Variants in TSHZ2 observed in about 807,000 individuals in gnomAD.
The protein encoded by TSHZ2 is teashirt homolog 2.
Under a neutral mutation model 74.4 loss-of-function variants are expected in TSHZ2, and 21 were observed. That is an observed-to-expected ratio of 0.28 (90% CI 0.20 to 0.41). The LOEUF (loss-of-function observed/expected upper bound fraction) is 0.41. TSHZ2 is among the 10% of genes least tolerant of loss of function. The probability of loss-of-function intolerance (pLI) is 1.00; values close to 1 mark genes in which losing one functional copy is unlikely to be tolerated. For synonymous variants in TSHZ2, 540 were observed against 515.3 expected (o/e 1.05, Z -0.65); for missense variants, 1,244 against 1,293.5 (o/e 0.96, Z 0.59).
Position 53,253,792 on chromosome 20 carries a change from G to T in TSHZ2, c.334G>T (p.Val112Phe), listed in dbSNP as rs773829843. The T allele has an allele frequency of 1.2e-6, 2 of 1,614,052 alleles. No individual in the cohort carries two copies. The highest frequency in any genetic ancestry group is 1.7e-6 in the Non-Finnish European group (2 of 1,180,024). ...CTCAGACAAGAAAGCACACACTCAC[G>T]TCAGGCTTCCAAACGAAGCACACAA... Reference protein sequence around the residue: ...DASDKKAHTHVRLPNEAHNCM... With the variant: ...DASDKKAHTHFRLPNEAHNCM... The change falls in exon 2 of 3, where the codon GTC (valine) becomes TTC (phenylalanine). Residue 112 changes from valine (V) to phenylalanine (F), a missense_variant. By Grantham distance (50) the Val-to-Phe change is conservative. This residue lies in a region of TSHZ2 where 470 missense variants were observed against 456.5 expected (regional missense o/e 1.03). Coordinates refer to ENST00000371497, the MANE Select transcript of TSHZ2 (RefSeq NM_173485.6).
intron 2 of TSHZ2, among the ~76,000 whole-genome samples, chr20:53,445,137 T>C (rs1984500956): frequency 6.6e-6 from 1 of 152,316 alleles, no homozygotes; most frequent in South Asian, 2.1e-4. Flanking sequence ...TGTAAGGAAC[T>C]TTTCTGAATG....
At chr20:53,216,616 G>A (rs1243282398) in intron 1 of TSHZ2, among the ~76,000 whole-genome samples, 1 of 152,174 alleles carries the variant, frequency 6.6e-6, no homozygotes, top group Non-Finnish European at 1.5e-5. Flanking sequence ...AAAGCTCCTT[G>A]CACTGAGCTA....
At chr20:53,431,239 T>C (rs1173785171) in intron 2 of TSHZ2, among the ~76,000 whole-genome samples, 2 of 151,960 alleles carry the variant, frequency 1.3e-5, no homozygotes, top group Admixed American at 1.3e-4. Flanking sequence ...GGCAGATCAC[T>C]TGAGGTCAGG....
At chr20:53,383,129 G>A (rs557420312) in intron 2 of TSHZ2, among the ~76,000 whole-genome samples, 92 of 152,044 alleles carry the variant, frequency 6.1e-4, no homozygotes, top group African/African-American at 1.7e-3. Context: ...CGGGGGTGGC[G>A]GTGTGCACCT....
chr20:53,401,018 G>A (rs1982639901), intron 2 of TSHZ2: 1 of 152,166 alleles, frequency 6.6e-6, no homozygotes, highest in Non-Finnish European at 1.5e-5. Flanking sequence ...ATTCCCATTT[G>A]ACCAATGAGG....
At position 53,493,064 on chromosome 20, in the gene TSHZ2, G is replaced by A. The variant is rs1429207970; in HGVS notation, c.*5929G>A. 2 of 152,188 alleles carry A rather than the reference G, an allele frequency of 1.3e-5. No homozygotes were observed. The highest frequency in any genetic ancestry group is 4.8e-5 in the African/African-American group (2 of 41,450). 9.4% of individuals were successfully genotyped at this position (152,188 alleles called of 1,614,324 possible). A position where few individuals can be genotyped will look rare whatever the true frequency, so the allele number is the denominator to read the frequency against. ...TTTTCCCTGAGTACAATGCAGCTTG[G>A]ATGGCTGGGAGCGTAAGCCTTCCGT... On this transcript the variant is annotated 3_prime_UTR_variant, in exon 3 of 3. Coordinates refer to ENST00000371497, the MANE Select transcript of TSHZ2 (RefSeq NM_173485.6).
At chr20:53,435,542 C>T (rs1243126699) in intron 2 of TSHZ2, among the ~76,000 whole-genome samples, 1 of 152,200 alleles carries the variant, frequency 6.6e-6, no homozygotes, top group East Asian at 1.9e-4. Context: ...GAGACAGAGT[C>T]TTGCTCTGTC....
chr20:53,043,616 A>G (rs1242999184), intron 1 of TSHZ2, among the ~76,000 whole-genome samples: 1 of 152,222 alleles, frequency 6.6e-6, no homozygotes, highest in African/African-American at 2.4e-5. Flanking sequence ...TGCTGCCTTC[A>G]TAGATCAAAT....
chr20:53,364,834 A>G (rs1337321989), intron 2 of TSHZ2, among the ~76,000 whole-genome samples: 1 of 152,182 alleles, frequency 6.6e-6, no homozygotes, highest in Non-Finnish European at 1.5e-5. Context: ...TTTTCATCCA[A>G]GCCACTATTT....
At chr20:53,261,705 A>G (rs573268005) in intron 2 of TSHZ2, among the ~76,000 whole-genome samples, 2 of 152,244 alleles carry the variant, frequency 1.3e-5, no homozygotes, top group South Asian at 2.1e-4. Context: ...GAGTAACATT[A>G]TTTTTCATTT....
At chr20:53,168,629 C>G (rs1241918143) in intron 1 of TSHZ2, 2 of 152,158 alleles carry the variant, frequency 1.3e-5, no homozygotes, top group East Asian at 3.8e-4. Flanking sequence ...GTGAAACAAA[C>G]AGCTAAACAT....
At chr20:53,387,384 G>A (rs1194994482) in intron 2 of TSHZ2, among the ~76,000 whole-genome samples, 2 of 152,322 alleles carry the variant, frequency 1.3e-5, no homozygotes, top group Non-Finnish European at 2.9e-5. Flanking sequence ...TTGATTCTAT[G>A]TGGGGATATT....
At chr20:52,986,312 G>A (rs554841016) in intron 1 of TSHZ2, among the ~76,000 whole-genome samples, 16 of 150,554 alleles carry the variant, frequency 1.1e-4, no homozygotes, top group African/African-American at 3.7e-4. Flanking sequence ...TGAAGCAGGA[G>A]AATTGCTTGA....
At chr20:53,038,896 G>GTTTTTTTTTTTTTTTTTTTTT (rs374364980) in intron 1 of TSHZ2, among the ~76,000 whole-genome samples, 1 of 140,422 alleles carries the variant, frequency 7.1e-6, no homozygotes, top group African/African-American at 3.0e-5. Context: ...TTGTTTGTTT[G>GTTTTTTTTTTTTTTTTTTTTT]TTTGTTTGTT....
At chr20:53,213,156 C>G in intron 1 of TSHZ2, among the ~76,000 whole-genome samples, 1 of 151,982 alleles carries the variant, frequency 6.6e-6, no homozygotes, top group Middle Eastern at 3.2e-3. Context: ...TACAAACAAT[C>G]AAAACACCGA....
chr20:53,381,599 T>C (rs1199925312), intron 2 of TSHZ2, among the ~76,000 whole-genome samples: 1 of 152,208 alleles, frequency 6.6e-6, no homozygotes, highest in Admixed American at 6.5e-5. Flanking sequence ...GGAGCCCTCA[T>C]TATATCTAAA....
chr20:52,992,323 T>C (rs1982024031), intron 1 of TSHZ2, among the ~76,000 whole-genome samples: 1 of 152,204 alleles, frequency 6.6e-6, no homozygotes, highest in African/African-American at 2.4e-5. Flanking sequence ...GATACCCCAG[T>C]TATTTATACT....
chr20:53,000,234 G>T (rs1269912517), intron 1 of TSHZ2, among the ~76,000 whole-genome samples: 1 of 152,128 alleles, frequency 6.6e-6, no homozygotes, highest in Admixed American at 6.6e-5. Flanking sequence ...ATGATTGGGA[G>T]GAAATGTGAA....
chr20:53,143,144 G>T (rs1271279424), intron 1 of TSHZ2, among the ~76,000 whole-genome samples: 1 of 152,166 alleles, frequency 6.6e-6, no homozygotes, highest in Non-Finnish European at 1.5e-5. Flanking sequence ...ATTTAAGCTA[G>T]AATTTATTAA....
Sources: gnomAD v4.1 joint callset for allele counts (sites outside exome capture counted in the v4.1 genomes callset) on GRCh38, gnomAD v4.1.1 for gene constraint, gnomAD v4.1.1 regional missense constraint, MANE v1.5 for transcripts, NCBI Gene and HGNC (gene_info 2026-07-23, HGNC 2026-07-21) for gene names.